MIOX: variants seen among roughly 807,000 people sequenced by gnomAD.
The protein encoded by MIOX is inositol oxygenase.
In MIOX, 51 loss-of-function variants were observed where a neutral mutation model predicts 42.7. The observed-to-expected ratio is 1.19, with a 90% CI of 0.95 to 1.51. The LOEUF is 1.51. Among genes scored for constraint, MIOX ranks in the 40% most tolerant of loss-of-function variants. The pLI is 0.00. For synonymous variants in MIOX, 168 were observed against 154.4 expected (o/e 1.09, Z -0.65); for missense variants, 395 against 381.3 (o/e 1.04, Z -0.30).
At chr22:50,487,307 C>T in intron 1 of MIOX, 78 bp from the exon 2 acceptor site, 1 of 1,269,042 alleles carries the variant, frequency 7.9e-7, no homozygotes. Context: ...TTGGAGTCTG[C>T]AGCCACCCTG....
At position 50,489,569 on chromosome 22, in the gene MIOX, G is replaced by A. The variant is rs981188208; in HGVS notation, c.674G>A (p.Trp225Ter). The change falls in exon 9 of 10, where the codon TGG becomes TAG. Residue 225 changes from tryptophan to a stop codon, truncating the protein, a stop_gained. Transcript: ENST00000216075. LOFTEE classifies it high-confidence loss of function. ...ATCCGGTTCCACTCCTTCTACCCCT[G>A]GCACACGGGCCGCGACTACCAGCAG... ...YMIRFHSFYP[W>*]HTGRDYQQLC... 5.0e-6 allele frequency: 8 copies of A among 1,612,674 alleles called. No individual in the cohort carries two copies. Among genetic ancestry groups the A allele is most frequent in the Admixed American group, 1.7e-5 (1 of 60,006 alleles).
chr22:50,489,760 C>T lies in MIOX; in HGVS notation c.762C>T (p.Leu254=). Residue 254 remains leucine, a synonymous_variant, in exon 10 of 10, where the codon CTC becomes CTT. Transcript: ENST00000216075. Reference sequence around the variant, plus strand: ...CTCCCTGCTGCAGCAAGTTCGACCTCTACACCAAGTGCCCGGACCTGCCGG... The same window carrying T: ...CTCCCTGCTGCAGCAAGTTCGACCTTTACACCAAGTGCCCGGACCTGCCGG... ...PWVREFNKFD[L]YTKCPDLPDV... 1 of 1,612,214 alleles carries T rather than the reference C, an allele frequency of 6.2e-7. No homozygotes were observed. The highest frequency in any genetic ancestry group is 1.1e-5 in the South Asian group (1 of 91,072).
rs1295285811 is a variant in MIOX at position 50,487,762 on chromosome 22, C to A, written c.177+20C>A. On this transcript the variant is annotated intron_variant, in intron 3 of 9. Coordinates refer to ENST00000216075, the MANE Select transcript of MIOX (RefSeq NM_017584.6). ...AGCAAGGTAGGCGTTTCCTGCCGCC[C>A]CGTGCAAACGCGGAGGGACCCTTGC... 1 of 1,613,242 alleles carries A rather than the reference C, an allele frequency of 6.2e-7. No homozygotes were observed. The highest frequency in any genetic ancestry group is 1.3e-5 in the African/African-American group (1 of 75,046).
intron 5 of MIOX, among the ~76,000 whole-genome samples, chr22:50,488,656 G>A (rs1351731120): frequency 8.9e-6 from 1 of 112,390 alleles, no homozygotes; most frequent in Non-Finnish European, 1.8e-5. Context: ...CTCCCCCCAC[G>A]GCCCCCCATG....
rs188553057 is a variant in MIOX, at chr22:50,490,212, C to T, written c.*356C>T. On this transcript the variant is annotated 3_prime_UTR_variant, in exon 10 of 10. Coordinates refer to ENST00000216075, the MANE Select transcript of MIOX (RefSeq NM_017584.6). ...AGCTCCTGTGTCAGAGCCTGGGGGA[C>T]GAGTCACCCAGCTCACCCCCACATG... The T allele has an allele frequency of 2.0e-5, 6 of 304,790 alleles. No homozygotes were observed. The highest frequency in any genetic ancestry group is 6.8e-5 in the East Asian group (1 of 14,648). 18.9% of individuals were successfully genotyped at this position (304,790 alleles called of 1,614,324 possible).
chr22:50,487,575 C>T (rs2068286252), intron 2 of MIOX, 87 bp from the exon 3 acceptor site: 1 of 1,541,916 alleles, frequency 6.5e-7, no homozygotes, highest in Admixed American at 1.7e-5. Flanking sequence ...CCACCCCCAT[C>T]ACACCCTGTG....
chr22:50,489,199 G>C, intron 6 of MIOX, 29 bp from the exon 7 acceptor site: 1 of 1,611,482 alleles, frequency 6.2e-7, no homozygotes, highest in Non-Finnish European at 8.5e-7. Context: ...CGGCTGCTGA[G>C]CCCTCCTCAC....
At position 50,490,013 on chromosome 22, in the gene MIOX, G is replaced by A. The variant is rs911457644; in HGVS notation, c.*157G>A. ...CCACCCCTCACGGCAACTTGTGCCT[G>A]GCGTCAATAAAGACCTGGAAGGATG... On this transcript the variant is annotated 3_prime_UTR_variant, in exon 10 of 10. Transcript: ENST00000216075. 1.6e-6 allele frequency: 1 copy of A among 641,850 alleles called. No individual in the cohort carries two copies. Among genetic ancestry groups the A allele is most frequent in the Non-Finnish European group, 2.7e-6 (1 of 365,526 alleles). The allele number at this position is 641,850 out of a possible 1,614,324, so 39.8% of individuals were successfully genotyped here.
chr22:50,489,943 C>T lies in MIOX; in HGVS notation c.*87C>T, dbSNP rs2232888. 2.3e-6 allele frequency: 3 copies of T among 1,296,290 alleles called. No individual in the cohort carries two copies. Among genetic ancestry groups the T allele is most frequent in the East Asian group, 2.4e-5 (1 of 42,466 alleles). The allele number at this position is 1,296,290 out of a possible 1,614,324, so 80.3% of individuals were successfully genotyped here. A position where few individuals can be genotyped will look rare whatever the true frequency, so the allele number is the denominator to read the frequency against. On this transcript the variant is annotated 3_prime_UTR_variant, in exon 10 of 10. Transcript: ENST00000216075. ...CTGGCCCTGGGCAAACAGCCGCCAT[C>T]AGGGTTCACCTCGGTGGGGGACCCC...
At position 50,490,036 on chromosome 22, in the gene MIOX, A is replaced by G. The variant is rs1474410145; in HGVS notation, c.*180A>G. ...CTGGCGTCAATAAAGACCTGGAAGG[A>G]TGTTGTGCTTCTGAAGCCCCACTGG... On this transcript the variant is annotated 3_prime_UTR_variant, in exon 10 of 10. Transcript: ENST00000216075. 4 of 613,590 alleles carry G rather than the reference A, an allele frequency of 6.5e-6. No homozygotes were observed. Among genetic ancestry groups the G allele is most frequent in the Middle Eastern group, 4.3e-4 (1 of 2,310 alleles). 38.0% of individuals were successfully genotyped at this position (613,590 alleles called of 1,614,324 possible).
rs745580403 is a variant in MIOX, at chr22:50,488,073, G to A, written c.340+25G>A. On this transcript the variant is annotated intron_variant, in intron 4 of 9. Coordinates refer to ENST00000216075, the MANE Select transcript of MIOX (RefSeq NM_017584.6). Reference sequence around the variant, plus strand: ...GGTGAGCCCTGGCTGTGCTGCAGGGGGGCAGGTGCTGCCTCCAAGGGGCAG... The same window carrying A: ...GGTGAGCCCTGGCTGTGCTGCAGGGAGGCAGGTGCTGCCTCCAAGGGGCAG... 9.3e-6 allele frequency: 15 copies of A among 1,612,416 alleles called. No individual in the cohort carries two copies. The East Asian group carries it at 3.3e-4, about 36-fold the overall frequency.
chr22:50,489,398 G>A lies in MIOX; in HGVS notation c.588G>A (p.Glu196=), dbSNP rs1302384803. Residue 196 remains glutamate, a splice_region_variant and synonymous_variant, in exon 8 of 10, where the codon GAG becomes GAA. Transcript: ENST00000216075. ...DRVLMSWGHD[E]YMYQVMKFNK... ...GCTGGTGACACCCTCTCCCCACAGAGTACATGTACCAGGTGATGAAGTTTA... is the reference window on the plus strand; with the variant it reads ...GCTGGTGACACCCTCTCCCCACAGAATACATGTACCAGGTGATGAAGTTTA... 1.3e-6 allele frequency: 2 copies of A among 1,592,142 alleles called. No homozygotes were observed. The highest frequency in any genetic ancestry group is 1.7e-6 in the Non-Finnish European group (2 of 1,173,858).
At position 50,488,004 on chromosome 22, in the gene MIOX, C is replaced by G. The variant is rs777576406; in HGVS notation, c.296C>G (p.Ala99Gly). Residue 99 changes from alanine (A) to glycine (G), a missense_variant, in exon 4 of 10, where the codon GCC (alanine) becomes GGC (glycine). By Grantham distance (60) the Ala-to-Gly change is moderately conservative. Transcript: ENST00000216075. Reference protein sequence around the residue: ...PDVDFPNSFHAFQTAEGIRKA... With the variant: ...PDVDFPNSFHGFQTAEGIRKA... The stretch of plus-strand genomic sequence containing the variant: ...GTAGATTTCCCCAACTCCTTCCATG[C>G]CTTCCAGACAGCGGAGGGCATCCGG... 1.9e-6 allele frequency: 3 copies of G among 1,613,966 alleles called. No homozygotes were observed. In the South Asian group the frequency reaches 3.3e-5, roughly 18 times the overall value.
Position 50,489,967 on chromosome 22 carries a change from C to T in MIOX, c.*111C>T. On this transcript the variant is annotated 3_prime_UTR_variant, in exon 10 of 10. Coordinates refer to ENST00000216075, the MANE Select transcript of MIOX (RefSeq NM_017584.6). ...TCAGGGTTCACCTCGGTGGGGGACCCCACTCACCCCCTTAGGGTCGCCACC... is the reference window on the plus strand; with the variant it reads ...TCAGGGTTCACCTCGGTGGGGGACCTCACTCACCCCCTTAGGGTCGCCACC... The T allele has an allele frequency of 1.0e-6, 1 of 981,590 alleles. No individual in the cohort carries two copies. Among genetic ancestry groups the T allele is most frequent in the Non-Finnish European group, 1.6e-6 (1 of 642,938 alleles). The allele number at this position is 981,590 out of a possible 1,614,324, so 60.8% of individuals were successfully genotyped here. A position where few individuals can be genotyped will look rare whatever the true frequency, so the allele number is the denominator to read the frequency against.
At chr22:50,489,711 G>T (rs770872156) in intron 9 of MIOX, 37 bp from the exon 10 acceptor site, 1 of 1,608,960 alleles carries the variant, frequency 6.2e-7, no homozygotes, top group South Asian at 1.1e-5. Flanking sequence ...GGGGCCTGGG[G>T]GTTCTTCACG....
At chr22:50,487,601 G>A in intron 2 of MIOX, 61 bp from the exon 3 acceptor site, 1 of 1,567,624 alleles carries the variant, frequency 6.4e-7, no homozygotes, top group South Asian at 1.2e-5. Flanking sequence ...GCCTGGGAGA[G>A]GGGAGGCATG....
Position 50,489,858 on chromosome 22 carries a change from C to T in MIOX, c.*2C>T. 2 of 1,608,768 alleles carry T rather than the reference C, an allele frequency of 1.2e-6. No homozygotes were observed. Among genetic ancestry groups the T allele is most frequent in the East Asian group, 2.2e-5 (1 of 44,878 alleles). On this transcript the variant is annotated 3_prime_UTR_variant, in exon 10 of 10. Transcript: ENST00000216075. ...TGCCCTGGCATCCTGAGCTGGTGAC[C>T]CTCCTGCCACCCAAGCTGCTGCTGG...
chr22:50,489,288 C>T lies in MIOX; in HGVS notation c.579C>T (p.Gly193=), dbSNP rs762509964. 1.0e-5 allele frequency: 16 copies of T among 1,570,878 alleles called. No homozygotes were observed. In the South Asian group the frequency reaches 1.1e-4, roughly 11 times the overall value. The change falls in exon 7 of 10, where the codon GGC becomes GGT. Residue 193 remains glycine, a synonymous_variant. Coordinates refer to ENST00000216075, the MANE Select transcript of MIOX (RefSeq NM_017584.6). ...TCGACAGGGTCCTCATGTCCTGGGG[C>T]CATGATGGTGAGGCCAGAGGCGGGC... ...CGLDRVLMSW[G]HDEYMYQVMK...
rs1272175048 is a variant in MIOX at position 50,489,149 on chromosome 22, G to C, written c.518G>C (p.Ser173Thr). 3.7e-6 allele frequency: 6 copies of C among 1,613,020 alleles called. No homozygotes were observed. The highest frequency in any genetic ancestry group is 2.7e-5 in the African/African-American group (2 of 74,828). The change falls in exon 6 of 10, where the codon AGC (serine) becomes ACC (threonine). Residue 173 changes from serine to threonine, a missense_variant and splice_region_variant. Ser to Thr is a moderately conservative substitution (Grantham distance 58). Transcript: ENST00000216075. ...CCTGACCTCCAGGATCCTCGATACA[G>C]GTGCTCCCTGCTGCTGAGGGCTGGG... is the stretch of plus-strand genomic sequence containing the variant. ...DNPDLQDPRYSTELGMYQPHC... is the reference protein window; with the variant it reads ...DNPDLQDPRYTTELGMYQPHC...
Sources: allele counts gnomAD v4.1 joint callset (sites outside exome capture counted in the v4.1 genomes callset), GRCh38; gene constraint gnomAD v4.1.1; transcripts MANE v1.5; gene names NCBI Gene and HGNC (gene_info 2026-07-23, HGNC 2026-07-21).